PAPPA2: variants seen among roughly 807,000 people sequenced by gnomAD.
PAPPA2 encodes pappalysin-2.
Under a neutral mutation model 176.4 loss-of-function variants are expected in PAPPA2, and 86 were observed. The observed-to-expected ratio is 0.49, with a 90% CI of 0.41 to 0.58. The LOEUF (loss-of-function observed/expected upper bound fraction) is 0.58, where lower values mean the gene tolerates loss of function less well. PAPPA2 is among the 20% of genes least tolerant of loss of function. The pLI is 0.00. For synonymous variants in PAPPA2, 809 were observed against 852.2 expected (o/e 0.95, Z 0.88); for missense variants, 2,073 against 2,256.9 (o/e 0.92, Z 1.65).
chr1:176,783,861 T>C (rs1312683370), intron 17 of PAPPA2, among the ~76,000 whole-genome samples: 2 of 152,168 alleles, frequency 1.3e-5, no homozygotes, highest in African/African-American at 4.8e-5. Flanking sequence ...ACATAAAAAC[T>C]TCTGGCAGGT....
intron 1 of PAPPA2, among the ~76,000 whole-genome samples, chr1:176,546,013 T>C (rs1469256641): frequency 1.3e-5 from 2 of 152,190 alleles, no homozygotes; most frequent in Admixed American, 6.6e-5. Flanking sequence ...AACAGAGCAT[T>C]AATATGGCAT....
intron 3 of PAPPA2, among the ~76,000 whole-genome samples, chr1:176,637,147 T>C (rs1337712877): frequency 6.6e-6 from 1 of 151,904 alleles, no homozygotes; most frequent in African/African-American, 2.4e-5. Context: ...CTAGGTGGAA[T>C]TGGGGTAGAT....
At chr1:176,743,716 C>T (rs904990026) in intron 14 of PAPPA2, among the ~76,000 whole-genome samples, 7 of 152,146 alleles carry the variant, frequency 4.6e-5, no homozygotes, top group Non-Finnish European at 8.8e-5. Flanking sequence ...AAACAGGACT[C>T]TTTCTACTTT....
chr1:176,512,626 A>G (rs775795354), intron 1 of PAPPA2, among the ~76,000 whole-genome samples: 2 of 152,190 alleles, frequency 1.3e-5, no homozygotes, highest in South Asian at 2.1e-4. Context: ...ACAAAGGAAC[A>G]TGAGAAAGCT....
At chr1:176,667,485 CTA>C (rs974558002) in intron 3 of PAPPA2, among the ~76,000 whole-genome samples, 2 of 152,062 alleles carry the variant, frequency 1.3e-5, no homozygotes, top group Non-Finnish European at 2.9e-5. Flanking sequence ...GCAGAGAAAA[CTA>C]TGTGTTTGAG....
Position 176,556,815 on chromosome 1 carries a change from G to A in PAPPA2, c.493G>A (p.Gly165Ser), listed in dbSNP as rs1457024064. Residue 165 changes from glycine to serine, a missense_variant, in exon 2 of 23, where the codon GGC (glycine) becomes AGC (serine). By Grantham distance (56) the Gly-to-Ser change is moderately conservative. This residue lies in a region of PAPPA2 where 1,196 missense variants were observed against 1,330.4 expected (regional missense o/e 0.90). Transcript: ENST00000367662. ...ESLGEAGIQKGSAMAATTTTA... is the reference protein window; with the variant it reads ...ESLGEAGIQKSSAMAATTTTA... ...TCTAGGTGAGGCCGGGATTCAGAAA[G>A]GCTCAGCCATGGCTGCCACTACTAC... is the stretch of plus-strand genomic sequence containing the variant. 6.2e-7 allele frequency: 1 copy of A among 1,614,040 alleles called. No homozygotes were observed. The highest frequency in any genetic ancestry group is 8.5e-7 in the Non-Finnish European group (1 of 1,180,044).
chr1:176,836,858 C>T (rs190238655), intron 21 of PAPPA2: 3 of 152,190 alleles, frequency 2.0e-5, no homozygotes, highest in Non-Finnish European at 4.4e-5. Flanking sequence ...ATGGGCCTCC[C>T]CAAGGGCTGG....
chr1:176,618,416 T>A (rs1267976997), intron 3 of PAPPA2, among the ~76,000 whole-genome samples: 4 of 152,202 alleles, frequency 2.6e-5, no homozygotes, highest in African/African-American at 9.6e-5. Context: ...AGAAAAAGAC[T>A]TAATTGTATT....
rs1029171064 is a variant in PAPPA2, at chr1:176,556,859, C to T, written c.537C>T (p.Thr179=). The T allele has an allele frequency of 6.2e-7, 1 of 1,614,128 alleles. No individual in the cohort carries two copies. The change falls in exon 2 of 23, where the codon ACC becomes ACT. Residue 179 remains threonine (T), a synonymous_variant. Coordinates refer to ENST00000367662, the MANE Select transcript of PAPPA2 (RefSeq NM_020318.3). ...AATTTTAIFT[T]LNEPKPETQR... ...CTACTACCACCGCCATTTTCACAAC[C>T]CTGAACGAACCCAAACCAGAGACCC...
chr1:176,588,820 C>T (rs1411807182), intron 2 of PAPPA2, among the ~76,000 whole-genome samples: 3 of 152,102 alleles, frequency 2.0e-5, no homozygotes, highest in African/African-American at 7.2e-5. Flanking sequence ...GCTTGGCTGC[C>T]CTGGGGGTGT....
At chr1:176,801,884 C>G (rs1374103091) in intron 21 of PAPPA2, among the ~76,000 whole-genome samples, 1 of 152,122 alleles carries the variant, frequency 6.6e-6, no homozygotes, top group African/African-American at 2.4e-5. Context: ...AGCGGGGTCA[C>G]TTATCCAGAG....
intron 21 of PAPPA2, among the ~76,000 whole-genome samples, chr1:176,817,217 A>T (rs1386198049): frequency 6.6e-6 from 1 of 152,194 alleles, no homozygotes; most frequent in African/African-American, 2.4e-5. Context: ...TAATAATTCC[A>T]CTAGTTGGGG....
rs55858181 is a variant in PAPPA2, at chr1:176,809,951, AGTGTGTGTGTGTGT to A, written c.5202+9856_5202+9869del. ...TCTCCTTATTTTTAGGACAAGATGC[AGTGTGTGTGTGTGT>A]GTGTGTGTGTGTGTGTGTGTGTGTG... On this transcript the variant is annotated intron_variant, in intron 21 of 22. Transcript: ENST00000367662. Among the ~76,000 whole-genome samples, 113 of 133,794 alleles carry A rather than the reference AGTGTGTGTGTGTGT, an allele frequency of 8.4e-4. 1 individual carries two copies. The highest frequency in any genetic ancestry group is 2.9e-3 in the East Asian group (13 of 4,456). The allele number at this position is 133,794 out of a possible 152,430, so 87.8% of individuals were successfully genotyped here.
At position 176,709,992 on chromosome 1, in the gene PAPPA2, G is replaced by A; in HGVS notation, c.3467G>A (p.Ser1156Asn). ...EEGFNCVGEP[S>N]LCYMYEGDGI... ...CAATATTTCTTGGCAGGAGAGCCAAGCCTTTGCTACATGTATGAGGGAGAT... is the reference window on the plus strand; with the variant it reads ...CAATATTTCTTGGCAGGAGAGCCAAACCTTTGCTACATGTATGAGGGAGAT... The change falls in exon 11 of 23, where the codon AGC (serine) becomes AAC (asparagine). Residue 1156 changes from serine to asparagine, a missense_variant. Physicochemically the swap from Ser to Asn is conservative, Grantham distance 46 (BLOSUM62 1). Transcript: ENST00000367662. The A allele has an allele frequency of 5.6e-6, 9 of 1,602,390 alleles. No individual in the cohort carries two copies. The highest frequency in any genetic ancestry group is 7.7e-6 in the Non-Finnish European group (9 of 1,175,440).
At chr1:176,598,808 G>T (rs1419423256) in intron 3 of PAPPA2, among the ~76,000 whole-genome samples, 1 of 151,966 alleles carries the variant, frequency 6.6e-6, no homozygotes, top group Non-Finnish European at 1.5e-5. Context: ...GTTGTCTTTA[G>T]GTCTGCTGCA....
chr1:176,792,349 G>C (rs1032550169), intron 19 of PAPPA2, among the ~76,000 whole-genome samples: 1 of 152,146 alleles, frequency 6.6e-6, no homozygotes, highest in Non-Finnish European at 1.5e-5. Context: ...TAATTTTATC[G>C]GACATTCTAA....
intron 1 of PAPPA2, among the ~76,000 whole-genome samples, chr1:176,497,249 C>T (rs553589418): frequency 1.6e-4 from 24 of 152,282 alleles, no homozygotes; most frequent in Non-Finnish European, 1.5e-5. Context: ...CAGAGGCAAT[C>T]TGTAGACCTT....
At chr1:176,826,811 G>A (rs1401926744) in intron 21 of PAPPA2, among the ~76,000 whole-genome samples, 2 of 152,132 alleles carry the variant, frequency 1.3e-5, no homozygotes, top group African/African-American at 2.4e-5. Flanking sequence ...GAAAATGTGC[G>A]GGGCCCCTCT....
intron 17 of PAPPA2, among the ~76,000 whole-genome samples, chr1:176,772,140 A>G (rs1664259144): frequency 6.6e-6 from 1 of 152,208 alleles, no homozygotes; most frequent in South Asian, 2.1e-4. Flanking sequence ...TTCTGAGTGA[A>G]CGAAAAGCTT....
Sources: gnomAD v4.1 joint callset for allele counts (sites outside exome capture counted in the v4.1 genomes callset) on GRCh38, gnomAD v4.1.1 for gene constraint, gnomAD v4.1.1 regional missense constraint, MANE v1.5 for transcripts, NCBI Gene and HGNC (gene_info 2026-07-23, HGNC 2026-07-21) for gene names.